The following GRIK2 variants were observed in gnomAD, a reference collection of about 807,000 sequenced individuals.
GRIK2 encodes the protein glutamate ionotropic receptor kainate type subunit 2, also known as glutamate receptor ionotropic, kainate 2.
GRIK2 carries 32 observed loss-of-function variants against 100.3 expected under a neutral mutation model. The ratio of observed to expected loss-of-function variants is 0.32; its 90% confidence interval spans 0.24 to 0.43. The LOEUF is 0.43. GRIK2 is among the 20% of genes least tolerant of loss of function. GRIK2 has a pLI of 1.00. For missense variants in GRIK2, 843 were observed against 1,114.9 expected (o/e 0.76, Z 3.47); for synonymous variants, 417 against 389.4 (o/e 1.07, Z -0.83).
At chr6:101,610,285 T>C (rs62421381) in intron 2 of GRIK2, among the ~76,000 whole-genome samples, 193 of 151,802 alleles carry the variant, frequency 1.3e-3, no homozygotes, top group Non-Finnish European at 2.1e-3. Flanking sequence ...ATTACATATG[T>C]AGATTGCTTT....
chr6:101,632,131 C>A (rs1780774588), intron 4 of GRIK2, among the ~76,000 whole-genome samples: 1 of 152,122 alleles, frequency 6.6e-6, no homozygotes, highest in South Asian at 2.1e-4. Flanking sequence ...CACACTCAGG[C>A]ATACCATCCG....
intron 14 of GRIK2, among the ~76,000 whole-genome samples, chr6:101,975,305 C>T (rs1245707772): frequency 6.6e-6 from 1 of 151,754 alleles, no homozygotes; most frequent in Non-Finnish European, 1.5e-5. Context: ...GATGAAATCA[C>T]CTGGGGAAGT....
chr6:101,576,835 T>G (rs1181630553), intron 2 of GRIK2, among the ~76,000 whole-genome samples: 1 of 152,030 alleles, frequency 6.6e-6, no homozygotes, highest in Non-Finnish European at 1.5e-5. Flanking sequence ...CACTTTTATC[T>G]AAGTGTTTTG....
In GRIK2 at chr6:101,815,477, C is replaced by T. The variant is rs932825653; in HGVS notation, c.1204-2893C>T. 5.9e-5 allele frequency among the ~76,000 whole-genome samples: 9 copies of T among 151,912 alleles called. No homozygotes were observed. In the East Asian group the frequency reaches 1.2e-3, roughly 20 times the overall value. ...ATTAGAATGGCCCTATAATTTATTACACAAATCATGATATTTTTTATTTGT... is the reference window on the plus strand; with the variant it reads ...ATTAGAATGGCCCTATAATTTATTATACAAATCATGATATTTTTTATTTGT... On this transcript the variant is annotated intron_variant, in intron 9 of 16. Transcript: ENST00000369134.
intron 7 of GRIK2, among the ~76,000 whole-genome samples, chr6:101,769,651 A>G (rs1778273038): frequency 1.3e-5 from 2 of 152,186 alleles, no homozygotes. Flanking sequence ...TTCTTTCTAA[A>G]TAAATGTATA....
intron 10 of GRIK2, among the ~76,000 whole-genome samples, chr6:101,854,097 T>A (rs886403550): frequency 1.3e-5 from 2 of 152,060 alleles, no homozygotes; most frequent in African/African-American, 4.8e-5. Context: ...GTGGTAATGA[T>A]GTGCCAGTGA....
At chr6:101,576,460 A>G (rs1408689218) in intron 2 of GRIK2, among the ~76,000 whole-genome samples, 1 of 152,064 alleles carries the variant, frequency 6.6e-6, no homozygotes, top group Non-Finnish European at 1.5e-5. Context: ...AATAAAATCA[A>G]TATTCTTTTT....
In GRIK2 at chr6:101,403,405, C is replaced by G. The variant is rs148974083; in HGVS notation, c.115+4013C>G. 1.6e-4 allele frequency among the ~76,000 whole-genome samples: 25 copies of G among 152,284 alleles called. No individual in the cohort carries two copies. The East Asian group carries it at 4.6e-3, about 28-fold the overall frequency. ...CCCAGCAGAAGTCTTCCCTCCCAGACGCGCTGGGGTCTCTTTGGCACTGCA... is the reference window on the plus strand; with the variant it reads ...CCCAGCAGAAGTCTTCCCTCCCAGAGGCGCTGGGGTCTCTTTGGCACTGCA... On this transcript the variant is annotated intron_variant, in intron 2 of 16. Transcript: ENST00000369134.
At position 101,933,799 on chromosome 6, in the gene GRIK2, A is replaced by C. The variant is rs60088398; in HGVS notation, c.2085+5167A>C. ...CTACAGGGCAGTCAAAGGTTTATTC[A>C]AAACATAGAGCCCTCTATAGCTTTC... On this transcript the variant is annotated intron_variant, in intron 14 of 16. Coordinates refer to ENST00000369134, the MANE Select transcript of GRIK2 (RefSeq NM_021956.5). Among the ~76,000 whole-genome samples, 1,366 of 152,072 alleles carry C rather than the reference A, an allele frequency of 9.0e-3. 19 individuals are homozygous for C. Among genetic ancestry groups the C allele is most frequent in the African/African-American group, 0.031 (1,281 of 41,540 alleles).
chr6:102,045,746 G>A (rs1020648099), intron 15 of GRIK2, among the ~76,000 whole-genome samples: 1 of 151,942 alleles, frequency 6.6e-6, no homozygotes. Context: ...CACATACCAA[G>A]AGAGCATATG....
intron 10 of GRIK2, 28 bp from the exon 11 acceptor site, chr6:101,859,259 C>A: frequency 1.7e-6 from 2 of 1,185,702 alleles, no homozygotes; most frequent in Admixed American, 1.7e-5. Flanking sequence ...TAACTGTTAC[C>A]TCTTTTCTTC....
At chr6:101,700,929 C>T (rs915795487) in intron 7 of GRIK2, among the ~76,000 whole-genome samples, 1 of 152,100 alleles carries the variant, frequency 6.6e-6, no homozygotes, top group African/African-American at 2.4e-5. Flanking sequence ...ACAAAAGAGG[C>T]CTTAGAGCTT....
intron 2 of GRIK2, among the ~76,000 whole-genome samples, chr6:101,547,232 C>A (rs1776288721): frequency 2.6e-5 from 4 of 151,912 alleles, no homozygotes; most frequent in African/African-American, 9.7e-5. Context: ...ATCATGAAAA[C>A]AAAGGATGAG....
intron 12 of GRIK2, among the ~76,000 whole-genome samples, chr6:101,893,321 A>G (rs1187440587): frequency 6.6e-6 from 1 of 151,616 alleles, no homozygotes; most frequent in African/African-American, 2.4e-5. Flanking sequence ...TTTTATTTTC[A>G]TTGAAGGTCA....
intron 2 of GRIK2, among the ~76,000 whole-genome samples, chr6:101,476,508 T>G (rs574632054): frequency 1.3e-5 from 2 of 151,640 alleles, no homozygotes; most frequent in African/African-American, 4.8e-5. Flanking sequence ...CTTTGGAGTT[T>G]ATGAGCATCA....
At chr6:101,743,443 A>C (rs1404038121) in intron 7 of GRIK2, among the ~76,000 whole-genome samples, 2 of 152,158 alleles carry the variant, frequency 1.3e-5, no homozygotes, top group Non-Finnish European at 2.9e-5. Context: ...TATATGAAAA[A>C]TTTCTTAACA....
chr6:101,891,256 C>A, intron 12 of GRIK2, among the ~76,000 whole-genome samples: 1 of 151,736 alleles, frequency 6.6e-6, no homozygotes. Flanking sequence ...TGGTTGCTCA[C>A]GCCTGTAATC....
intron 4 of GRIK2, among the ~76,000 whole-genome samples, chr6:101,640,180 C>T: frequency 6.6e-6 from 1 of 152,112 alleles, no homozygotes; most frequent in East Asian, 1.9e-4. Context: ...ACTAAAGATT[C>T]CTAGGCAAAT....
At chr6:101,550,412 G>A (rs1359522118) in intron 2 of GRIK2, among the ~76,000 whole-genome samples, 1 of 152,128 alleles carries the variant, frequency 6.6e-6, no homozygotes, top group Non-Finnish European at 1.5e-5. Flanking sequence ...AAAATGAAAT[G>A]ATTTGCTCCA....
Sources: gnomAD v4.1 joint callset for allele counts (sites outside exome capture counted in the v4.1 genomes callset) on GRCh38, gnomAD v4.1.1 for gene constraint, MANE v1.5 for transcripts, NCBI Gene and HGNC (gene_info 2026-07-23, HGNC 2026-07-21) for gene names.